The following G2E3 variants were observed in gnomAD, a reference collection of about 807,000 sequenced individuals.
The protein encoded by G2E3 is G2/M-phase specific E3 ubiquitin protein ligase, also known as G2/M phase-specific E3 ubiquitin-protein ligase.
In G2E3, 35 loss-of-function variants were observed where a neutral mutation model predicts 92.8. The ratio of observed to expected loss-of-function variants is 0.38; its 90% CI spans 0.29 to 0.50. The LOEUF (loss-of-function observed/expected upper bound fraction) is 0.50, where lower values mean the gene tolerates loss of function less well. Among genes scored for constraint, G2E3 ranks in the 20% least tolerant of loss-of-function variants. The pLI is 0.94. For missense variants in G2E3, 554 were observed against 823.8 expected (o/e 0.67, Z 4.01); for synonymous variants, 242 against 272.4 (o/e 0.89, Z 1.10).
intron 11 of G2E3, 73 bp downstream of exon 11, chr14:30,605,885 A>G: frequency 2.7e-6 from 2 of 741,798 alleles, no homozygotes; most frequent in Non-Finnish European, 4.3e-6. Flanking sequence ...GCTGGTTAGA[A>G]TTGATATTTA....
intron 6 of G2E3, among the ~76,000 whole-genome samples, chr14:30,594,493 T>A (rs1293724606): frequency 6.7e-6 from 1 of 150,144 alleles, no homozygotes; most frequent in South Asian, 2.1e-4. Flanking sequence ...ATCAAGACCA[T>A]CCTGGCTAAC....
At chr14:30,581,899 A>G (rs1236014315) in intron 2 of G2E3, among the ~76,000 whole-genome samples, 1 of 152,172 alleles carries the variant, frequency 6.6e-6, no homozygotes, top group Admixed American at 6.5e-5. Context: ...TGCCACTTCT[A>G]CCTCATCCAC....
In G2E3 at chr14:30,559,208, C is replaced by A. The variant is rs1164629994; in HGVS notation, c.-69C>A. On this transcript the variant is annotated 5_prime_UTR_variant, in exon 1 of 15. Coordinates refer to ENST00000206595, the MANE Select transcript of G2E3 (RefSeq NM_017769.5). ...ATGTGGCTGCTCGCGGTCGGCGTGC[C>A]CCGACGTACAGCGGGCCGGGAAAAG... 6.6e-6 allele frequency: 1 copy of A among 152,490 alleles called. No homozygotes were observed. Among genetic ancestry groups the A allele is most frequent in the Non-Finnish European group, 1.5e-5 (1 of 68,234 alleles). 9.4% of individuals were successfully genotyped at this position (152,490 alleles called of 1,614,324 possible). A position where few individuals can be genotyped will look rare whatever the true frequency, so the allele number is the denominator to read the frequency against.
In G2E3 at chr14:30,602,046, G is replaced by A. The variant is rs1421653559; in HGVS notation, c.925G>A (p.Val309Met). ...KKHVLPNSNN[V>M]GITDCLLEES... ...ACATGTATTACCCAATTCTAATAAT[G>A]TGGGGATTACAGATTGTTTGTTGGA... Residue 309 changes from valine (V) to methionine (M), a missense_variant, in exon 10 of 15, where the codon GTG becomes ATG. This residue lies in a region of G2E3 where 397 missense variants were observed against 560.3 expected (regional missense o/e 0.71). Transcript: ENST00000206595. 1 of 1,610,174 alleles carries A rather than the reference G, an allele frequency of 6.2e-7. No homozygotes were observed. Among genetic ancestry groups the A allele is most frequent in the Admixed American group, 1.7e-5 (1 of 59,968 alleles).
intron 8 of G2E3, among the ~76,000 whole-genome samples, chr14:30,599,110 G>A (rs1448953883): frequency 1.3e-5 from 2 of 152,114 alleles, no homozygotes; most frequent in Admixed American, 6.5e-5. Flanking sequence ...GTCCTCACAC[G>A]AGTTGTCCCT....
At chr14:30,592,677 T>C (rs1427182848) in intron 5 of G2E3, among the ~76,000 whole-genome samples, 1 of 151,944 alleles carries the variant, frequency 6.6e-6, no homozygotes, top group African/African-American at 2.4e-5. Context: ...ATTTTCAATT[T>C]TCAGCTTTTG....
chr14:30,589,353 T>A (rs779624617), intron 3 of G2E3, 30 bp from the exon 4 acceptor site: 5 of 1,263,448 alleles, frequency 4.0e-6, no homozygotes, highest in Non-Finnish European at 5.8e-6. Flanking sequence ...TTTCTTAGAG[T>A]TTATTTTCTA....
At chr14:30,584,236 C>T (rs757228477) in intron 2 of G2E3, among the ~76,000 whole-genome samples, 3 of 152,150 alleles carry the variant, frequency 2.0e-5, no homozygotes, top group Non-Finnish European at 2.9e-5. Context: ...AATAATATTC[C>T]ATCATATGGG....
intron 10 of G2E3, among the ~76,000 whole-genome samples, chr14:30,604,687 G>A (rs1414812854): frequency 6.6e-6 from 1 of 152,104 alleles, no homozygotes; most frequent in East Asian, 1.9e-4. Flanking sequence ...TATAATATTA[G>A]CTCTACTGTT....
intron 8 of G2E3, among the ~76,000 whole-genome samples, chr14:30,600,160 G>C (rs922828937): frequency 4.6e-5 from 7 of 152,162 alleles, no homozygotes; most frequent in African/African-American, 1.7e-4. Flanking sequence ...TCAGTGTATA[G>C]AGCAGAATAC....
intron 1 of G2E3, among the ~76,000 whole-genome samples, chr14:30,562,699 A>T (rs1290322821): frequency 6.6e-6 from 1 of 152,112 alleles, no homozygotes; most frequent in Non-Finnish European, 1.5e-5. Context: ...TGGAGGCCTA[A>T]CCGTCTCCCT....
chr14:30,587,362 T>C (rs1211548936), intron 3 of G2E3, among the ~76,000 whole-genome samples: 1 of 152,182 alleles, frequency 6.6e-6, no homozygotes, highest in Non-Finnish European at 1.5e-5. Context: ...CACCAATTTC[T>C]CACCTCACTG....
chr14:30,570,656 CT>C (rs1441235201), intron 1 of G2E3, among the ~76,000 whole-genome samples: 62 of 152,224 alleles, frequency 4.1e-4, no homozygotes, highest in African/African-American at 1.4e-3. Flanking sequence ...AGTTATTGTA[CT>C]TTTCAGCTGC....
chr14:30,608,149 T>C lies in G2E3; in HGVS notation c.1500+80T>C, dbSNP rs1490074409. ...TGTAAATGACTGATCTGCAATAAAA[T>C]AATAGTATTATCTATGAAGGAGTTA... On this transcript the variant is annotated intron_variant, in intron 12 of 14. Transcript: ENST00000206595. 12 of 783,494 alleles carry C rather than the reference T, an allele frequency of 1.5e-5. No individual in the cohort carries two copies. The East Asian group carries it at 3.3e-4, about 22-fold the overall frequency. The allele number at this position is 783,494 out of a possible 1,614,324, so 48.5% of individuals were successfully genotyped here. A position where few individuals can be genotyped will look rare whatever the true frequency, so the allele number is the denominator to read the frequency against.
intron 8 of G2E3, among the ~76,000 whole-genome samples, chr14:30,600,092 A>G (rs1490191095): frequency 6.6e-6 from 1 of 152,256 alleles, no homozygotes; most frequent in Non-Finnish European, 1.5e-5. Context: ...CAAAATTTAT[A>G]TAGGAAATTT....
intron 2 of G2E3, among the ~76,000 whole-genome samples, chr14:30,581,467 G>GTAA: frequency 6.6e-6 from 1 of 152,214 alleles, no homozygotes; most frequent in Non-Finnish European, 1.5e-5. Context: ...AGCACTTTAC[G>GTAA]AGGCTGAAGC....
At chr14:30,608,686 G>A (rs573560522) in intron 12 of G2E3, among the ~76,000 whole-genome samples, 16 of 152,358 alleles carry the variant, frequency 1.1e-4, no homozygotes, top group African/African-American at 3.4e-4. Flanking sequence ...TGCCATATAA[G>A]TGTCATTGCC....
chr14:30,570,444 C>T (rs535853150), intron 1 of G2E3, among the ~76,000 whole-genome samples: 5 of 152,190 alleles, frequency 3.3e-5, no homozygotes, highest in African/African-American at 7.2e-5. Context: ...CCACTTTCTC[C>T]GGTCCCTCTT....
chr14:30,566,283 A>T (rs1444754269), intron 1 of G2E3, among the ~76,000 whole-genome samples: 6 of 152,208 alleles, frequency 3.9e-5, no homozygotes, highest in Non-Finnish European at 7.3e-5. Flanking sequence ...CTGCAAAAAA[A>T]GGCCATCGGG....
Sources: allele counts gnomAD v4.1 joint callset (sites outside exome capture counted in the v4.1 genomes callset), GRCh38; gene constraint gnomAD v4.1.1; regional missense constraint gnomAD v4.1.1; transcripts MANE v1.5; gene names NCBI Gene and HGNC (gene_info 2026-07-23, HGNC 2026-07-21).